The following MB21D2 variants were observed in gnomAD, a reference collection of about 807,000 sequenced individuals.
The protein encoded by MB21D2 is Mab-21 domain containing 2, also known as nucleotidyltransferase MB21D2.
Under a neutral mutation model 33.3 loss-of-function variants are expected in MB21D2, and 9 were observed. The ratio of observed to expected loss-of-function variants is 0.27; its 90% confidence interval spans 0.16 to 0.47. The LOEUF (loss-of-function observed/expected upper bound fraction) is 0.47, where lower values mean the gene tolerates loss of function less well. Among genes scored for constraint, MB21D2 ranks in the 20% least tolerant of loss-of-function variants. MB21D2 has a pLI of 0.99. For synonymous variants in MB21D2, 241 were observed against 236.3 expected (o/e 1.02, Z -0.18); for missense variants, 540 against 624.6 (o/e 0.86, Z 1.44).
At chr3:192,824,256 C>T (rs1254461221) in intron 1 of MB21D2, among the ~76,000 whole-genome samples, 4 of 152,034 alleles carry the variant, frequency 2.6e-5, no homozygotes, top group Non-Finnish European at 4.4e-5. Flanking sequence ...AAATAAATTG[C>T]TCAAGTAGGT....
Position 192,799,525 on chromosome 3 carries a change from C to T in MB21D2, c.337G>A (p.Asp113Asn). 6.2e-7 allele frequency: 1 copy of T among 1,614,200 alleles called. No individual in the cohort carries two copies. The highest frequency in any genetic ancestry group is 8.5e-7 in the Non-Finnish European group (1 of 1,180,038). Residue 113 changes from aspartate to asparagine, a missense_variant, in exon 2 of 2, where the codon GAC becomes AAC. Coordinates refer to ENST00000392452, the MANE Select transcript of MB21D2 (RefSeq NM_178496.4). The surrounding 1 kb of genome is among the most constrained non-coding windows in gnomAD (Gnocchi z 4.1). ...AAGAGGGTAAAGTCCATATCATAGTCAGTACCCCGGGCATAGACATTAAGC... is the reference window on the plus strand; with the variant it reads ...AAGAGGGTAAAGTCCATATCATAGTTAGTACCCCGGGCATAGACATTAAGC... ...DELNVYARGTDYDMDFTLLVP... is the reference protein window; with the variant it reads ...DELNVYARGTNYDMDFTLLVP...
At chr3:192,916,849 C>CT (rs1714477688) in intron 1 of MB21D2, among the ~76,000 whole-genome samples, 1 of 152,190 alleles carries the variant, frequency 6.6e-6, no homozygotes, top group African/African-American at 2.4e-5. Flanking sequence ...CTGGGCACCT[C>CT]TTTCGGCCAG....
intron 1 of MB21D2, among the ~76,000 whole-genome samples, chr3:192,880,721 G>A (rs1002390651): frequency 6.6e-6 from 1 of 152,154 alleles, no homozygotes; most frequent in Non-Finnish European, 1.5e-5. Context: ...GGGAGCCAGG[G>A]TGGCACATCT....
intron 1 of MB21D2, among the ~76,000 whole-genome samples, chr3:192,852,796 CACT>C (rs150911220): frequency 0.041 from 6,235 of 152,274 alleles, 157 homozygotes; most frequent in Middle Eastern, 0.051. Context: ...AGCTCCCCAC[CACT>C]GACCCCCACT....
At position 192,820,273 on chromosome 3, in the gene MB21D2, T is replaced by C. The variant is rs144210232; in HGVS notation, c.212-20623A>G. Among the ~76,000 whole-genome samples the C allele has an allele frequency of 1.7e-3, 251 of 152,036 alleles. 2 individuals are homozygous for C. Among genetic ancestry groups the C allele is most frequent in the African/African-American group, 5.7e-3 (235 of 41,442 alleles). On this transcript the variant is annotated intron_variant, in intron 1 of 1. Coordinates refer to ENST00000392452, the MANE Select transcript of MB21D2 (RefSeq NM_178496.4). ...AATTTATGAGTATCATGAAACAGAT[T>C]GTAAAAAAGAAAACTATGACATTAT...
chr3:192,866,555 CATGCATACGTGCACGTGT>C (rs1713172310), intron 1 of MB21D2, among the ~76,000 whole-genome samples: 1 of 152,148 alleles, frequency 6.6e-6, no homozygotes, highest in Non-Finnish European at 1.5e-5. Flanking sequence ...TGCATCTCAG[CATGCATACGTGCACGTGT>C]ATGTAGACAT....
At chr3:192,911,867 A>G (rs1367551243) in intron 1 of MB21D2, among the ~76,000 whole-genome samples, 2 of 152,198 alleles carry the variant, frequency 1.3e-5, no homozygotes, top group Non-Finnish European at 1.5e-5. Flanking sequence ...CAAACTTCCG[A>G]GATGATCCTG....
chr3:192,901,511 C>T (rs1051284898), intron 1 of MB21D2, among the ~76,000 whole-genome samples: 2 of 151,642 alleles, frequency 1.3e-5, no homozygotes, highest in African/African-American at 4.8e-5. Context: ...CATTCCTCTG[C>T]ATCATGAGCA....
At chr3:192,896,400 G>A (rs1713974307) in intron 1 of MB21D2, among the ~76,000 whole-genome samples, 1 of 84,716 alleles carries the variant, frequency 1.2e-5, no homozygotes, top group African/African-American at 4.4e-5. Flanking sequence ...GTCTTTCTAT[G>A]TTGTCCCCTG....
chr3:192,838,123 T>C (rs968322443), intron 1 of MB21D2, among the ~76,000 whole-genome samples: 4 of 152,230 alleles, frequency 2.6e-5, no homozygotes, highest in African/African-American at 4.8e-5. Context: ...GCTGAAAATC[T>C]GTTTCCAAGT....
chr3:192,869,022 G>C (rs552925344), intron 1 of MB21D2, among the ~76,000 whole-genome samples: 9 of 152,208 alleles, frequency 5.9e-5, no homozygotes, highest in Non-Finnish European at 8.8e-5. Flanking sequence ...GAAATAAGAG[G>C]AAGAGGGTGG....
chr3:192,865,937 C>T (rs1423080117), intron 1 of MB21D2, among the ~76,000 whole-genome samples: 1 of 151,848 alleles, frequency 6.6e-6, no homozygotes, highest in Non-Finnish European at 1.5e-5. Flanking sequence ...ACCAGCCACT[C>T]TGGAAGCTGA....
chr3:192,856,506 T>A (rs535159940), intron 1 of MB21D2, among the ~76,000 whole-genome samples: 25 of 152,168 alleles, frequency 1.6e-4, no homozygotes, highest in Non-Finnish European at 3.2e-4. Context: ...GCACCTGGCA[T>A]TGCCCTTGCG....
intron 1 of MB21D2, among the ~76,000 whole-genome samples, chr3:192,911,330 TCTCA>T (rs889607360): frequency 1.3e-5 from 2 of 152,312 alleles, no homozygotes; most frequent in Admixed American, 1.3e-4. Flanking sequence ...AACACCCTTG[TCTCA>T]CTCACTATGC....
chr3:192,897,115 G>A (rs1014501167), intron 1 of MB21D2, among the ~76,000 whole-genome samples: 9 of 152,094 alleles, frequency 5.9e-5, no homozygotes, highest in Admixed American at 3.9e-4. Flanking sequence ...ATTTTCCCTC[G>A]GTAGATCAAA....
At chr3:192,865,782 C>T (rs2108635507) in intron 1 of MB21D2, among the ~76,000 whole-genome samples, 1 of 152,234 alleles carries the variant, frequency 6.6e-6, no homozygotes, top group African/African-American at 2.4e-5. Context: ...TTGCTGATCC[C>T]TGCCTGTAAT....
At chr3:192,819,380 A>G (rs1453569152) in intron 1 of MB21D2, among the ~76,000 whole-genome samples, 1 of 152,154 alleles carries the variant, frequency 6.6e-6, no homozygotes, top group East Asian at 1.9e-4. Context: ...TGGTTTCCAA[A>G]CCTAGCACAA....
intron 1 of MB21D2, among the ~76,000 whole-genome samples, chr3:192,885,115 T>G (rs1713704249): frequency 6.6e-6 from 1 of 152,050 alleles, no homozygotes; most frequent in Non-Finnish European, 1.5e-5. Context: ...ATAGCAAGGG[T>G]TAGACTAAAG....
Position 192,812,660 on chromosome 3 carries a change from G to C in MB21D2, c.212-13010C>G, listed in dbSNP as rs1307991539. On this transcript the variant is annotated intron_variant, in intron 1 of 1. Coordinates refer to ENST00000392452, the MANE Select transcript of MB21D2 (RefSeq NM_178496.4). ...GAGATGAAGGAGAAGCTAGGGGCTTGTTCATGAACTATACTGTAACTACAC... is the reference window on the plus strand; with the variant it reads ...GAGATGAAGGAGAAGCTAGGGGCTTCTTCATGAACTATACTGTAACTACAC... 3.3e-5 allele frequency among the ~76,000 whole-genome samples: 5 copies of C among 152,122 alleles called. No individual in the cohort carries two copies. In the South Asian group the frequency reaches 1.0e-3, roughly 31 times the overall value.
Sources: allele counts gnomAD v4.1 joint callset (sites outside exome capture counted in the v4.1 genomes callset), GRCh38; gene constraint gnomAD v4.1.1; non-coding constraint Gnocchi (gnomAD v3.1); transcripts MANE v1.5; gene names NCBI Gene and HGNC (gene_info 2026-07-23, HGNC 2026-07-21).